Variants in MDGA2 observed in about 807,000 individuals in gnomAD.
MDGA2 encodes the protein MAM domain containing glycosylphosphatidylinositol anchor 2, also known as MAM domain-containing glycosylphosphatidylinositol anchor protein 2.
Under a neutral mutation model 117.8 loss-of-function variants are expected in MDGA2, and 40 were observed. That is an observed-to-expected ratio of 0.34 (90% CI 0.26 to 0.44). The LOEUF is 0.44. Among genes scored for constraint, MDGA2 ranks in the 20% least tolerant of loss-of-function variants. The pLI is 1.00. For synonymous variants in MDGA2, 452 were observed against 439.0 expected, an observed-to-expected ratio of 1.03 and a Z score of -0.37; for missense variants, 1,123 against 1,250.6, an observed-to-expected ratio of 0.90 and a Z score of 1.54.
intron 1 of MDGA2, among the ~76,000 whole-genome samples, chr14:47,558,963 A>G: frequency 6.6e-6 from 1 of 152,194 alleles, no homozygotes; most frequent in East Asian, 1.9e-4. Context: ...TACGATACAC[A>G]TATGATTCTG....
intron 9 of MDGA2, among the ~76,000 whole-genome samples, chr14:46,920,706 G>A (rs538937065): frequency 1.2e-4 from 18 of 152,264 alleles, no homozygotes; most frequent in African/African-American, 4.3e-4. Flanking sequence ...AAACCACACC[G>A]ATGCCTGAGA....
At chr14:47,627,982 G>A (rs1264504969) in intron 1 of MDGA2, among the ~76,000 whole-genome samples, 4 of 152,228 alleles carry the variant, frequency 2.6e-5, no homozygotes, top group East Asian at 3.9e-4. Context: ...GAGGGTCCGC[G>A]GCTTCATTCT....
chr14:47,532,957 C>T lies in MDGA2; in HGVS notation c.280+141560G>A, dbSNP rs1044548431. Among the ~76,000 whole-genome samples, 20 of 152,308 alleles carry T rather than the reference C, an allele frequency of 1.3e-4. No individual in the cohort carries two copies. The South Asian group carries it at 2.7e-3, about 21-fold the overall frequency. On this transcript the variant is annotated intron_variant, in intron 1 of 16. Coordinates refer to ENST00000399232, the MANE Select transcript of MDGA2 (RefSeq NM_001113498.3). ...ATGGCCTCCAAAACATCATGCCTTC[C>T]CTTATGGTAGCAACATGGCTGCATC...
chr14:47,516,626 C>T (rs936679774), intron 1 of MDGA2, among the ~76,000 whole-genome samples: 6 of 152,074 alleles, frequency 3.9e-5, no homozygotes, highest in Non-Finnish European at 7.4e-5. Flanking sequence ...AGAAGAAATG[C>T]TAATCTTCCT....
At chr14:47,597,336 CTTT>C (rs1293439780) in intron 1 of MDGA2, among the ~76,000 whole-genome samples, 2 of 152,008 alleles carry the variant, frequency 1.3e-5, no homozygotes, top group African/African-American at 4.8e-5. Flanking sequence ...AAAGAAATTA[CTTT>C]TTTTCTTCAG....
chr14:46,844,952 G>A (rs2138268571), intron 16 of MDGA2, among the ~76,000 whole-genome samples: 1 of 152,238 alleles, frequency 6.6e-6, no homozygotes, highest in East Asian at 1.9e-4. Context: ...CGTGATCTTG[G>A]CTCACTGCAA....
intron 5 of MDGA2, among the ~76,000 whole-genome samples, chr14:47,114,955 CAAAAAA>C (rs35950492): frequency 7.9e-6 from 1 of 127,312 alleles, no homozygotes; most frequent in Admixed American, 8.0e-5. Flanking sequence ...TCTGCACAGC[CAAAAAA>C]AAAAAAAAAA....
chr14:47,162,461 C>T (rs756983637), intron 3 of MDGA2, among the ~76,000 whole-genome samples: 16 of 152,076 alleles, frequency 1.1e-4, no homozygotes, highest in Non-Finnish European at 1.9e-4. Context: ...TGCCTTTTAT[C>T]GTTTGAAATC....
chr14:47,578,846 C>T (rs1896175427), intron 1 of MDGA2, among the ~76,000 whole-genome samples: 1 of 152,084 alleles, frequency 6.6e-6, no homozygotes, highest in African/African-American at 2.4e-5. Flanking sequence ...TCAAAGCATT[C>T]CCTATGTTAT....
intron 10 of MDGA2, among the ~76,000 whole-genome samples, chr14:46,917,976 C>G (rs1308821988): frequency 6.6e-6 from 1 of 151,982 alleles, no homozygotes; most frequent in Non-Finnish European, 1.5e-5. Context: ...TGATTTGCAT[C>G]CACAACACAG....
intron 2 of MDGA2, among the ~76,000 whole-genome samples, chr14:47,293,570 T>C (rs1888961027): frequency 6.6e-6 from 1 of 152,160 alleles, no homozygotes; most frequent in Admixed American, 6.5e-5. Context: ...AATTATTAAG[T>C]TTGTAAATAA....
chr14:47,027,278 ATT>A (rs1226942568), intron 8 of MDGA2, among the ~76,000 whole-genome samples: 1 of 152,158 alleles, frequency 6.6e-6, no homozygotes, highest in African/African-American at 2.4e-5. Context: ...ATATAATGAT[ATT>A]ATCCAGTTGA....
intron 10 of MDGA2, among the ~76,000 whole-genome samples, chr14:46,899,534 A>C (rs1044934516): frequency 6.6e-6 from 1 of 152,004 alleles, no homozygotes. Flanking sequence ...ATATGTGCTC[A>C]CCAAAAGAAT....
intron 8 of MDGA2, among the ~76,000 whole-genome samples, chr14:47,012,617 T>C (rs939668989): frequency 2.6e-5 from 4 of 152,154 alleles, no homozygotes; most frequent in African/African-American, 9.7e-5. Flanking sequence ...CTTACTATAG[T>C]GTTTAGCATA....
intron 5 of MDGA2, among the ~76,000 whole-genome samples, chr14:47,107,987 C>G (rs11846467): frequency 0.81 from 116,282 of 143,682 alleles, 47,531 homozygotes; most frequent in East Asian, 0.96. Flanking sequence ...GATAACAGAC[C>G]AGCCTTTATT....
At chr14:47,040,445 T>C (rs972291532) in intron 7 of MDGA2, among the ~76,000 whole-genome samples, 3 of 152,170 alleles carry the variant, frequency 2.0e-5, no homozygotes, top group African/African-American at 7.2e-5. Context: ...TTCAATCTAT[T>C]TCCCAAAACT....
intron 9 of MDGA2, among the ~76,000 whole-genome samples, chr14:46,952,925 C>T (rs979860226): frequency 6.6e-6 from 1 of 151,834 alleles, no homozygotes; most frequent in South Asian, 2.1e-4. Flanking sequence ...AGGCAATGAA[C>T]AGAATCAACC....
rs188050283 is a variant in MDGA2, at chr14:46,855,300, C to T, written c.2753-146G>A. The T allele has an allele frequency of 4.5e-5, 27 of 601,362 alleles. No individual in the cohort carries two copies. In the African/African-American group the frequency reaches 5.0e-4, roughly 11 times the overall value. The allele number at this position is 601,362 out of a possible 1,614,324, so 37.3% of individuals were successfully genotyped here. On this transcript the variant is annotated intron_variant, in intron 14 of 16. Transcript: ENST00000399232. This position sits in a 1 kb window ranked among gnomAD's most constrained non-coding sequence, Gnocchi z 4.1. ...CCTCTCTTCTCCTCTCATTTCCTAT[C>T]TTGCTCTTATGACATTTGACATTTG...
chr14:47,246,997 T>C (rs1156285723), intron 2 of MDGA2, among the ~76,000 whole-genome samples: 3 of 151,822 alleles, frequency 2.0e-5, no homozygotes, highest in Non-Finnish European at 4.4e-5. Context: ...TCCTCAGTTA[T>C]CAAATGGGCA....
Sources: gnomAD v4.1 joint callset for allele counts (sites outside exome capture counted in the v4.1 genomes callset) on GRCh38, gnomAD v4.1.1 for gene constraint, Gnocchi (gnomAD v3.1) non-coding constraint, MANE v1.5 for transcripts, NCBI Gene and HGNC (gene_info 2026-07-23, HGNC 2026-07-21) for gene names.